Variants in PGCKA1 observed in about 807,000 individuals in gnomAD.
PGCKA1 encodes PDCD10 and GCKIII kinases associated 1, also known as PDCD10 and GCKIII kinases-associated protein 1.
At chr4:37,532,777 G>C in the PGCKA1 span, among the ~76,000 whole-genome samples, 1 of 151,684 alleles carries the variant, frequency 6.6e-6, no homozygotes, top group African/African-American at 2.4e-5. Context: ...TATGCTGACT[G>C]CTTTTAATAT....
chr4:37,466,319 A>C, the PGCKA1 span, among the ~76,000 whole-genome samples: 1 of 152,210 alleles, frequency 6.6e-6, no homozygotes, highest in Non-Finnish European at 1.5e-5. Flanking sequence ...ATTTCTGAAT[A>C]TATATTCCTG....
the PGCKA1 span, among the ~76,000 whole-genome samples, chr4:37,553,980 A>T: frequency 1.3e-5 from 2 of 152,214 alleles, no homozygotes; most frequent in East Asian, 1.9e-4. Context: ...ACAGTGATAT[A>T]GTTTGGCTGT....
the PGCKA1 span, among the ~76,000 whole-genome samples, chr4:37,563,594 T>G: frequency 6.6e-6 from 1 of 152,142 alleles, no homozygotes; most frequent in Non-Finnish European, 1.5e-5. Context: ...TTTCAACATG[T>G]GAATTTGGGG....
the PGCKA1 span, among the ~76,000 whole-genome samples, chr4:37,558,371 C>T: frequency 6.6e-6 from 1 of 152,140 alleles, no homozygotes; most frequent in African/African-American, 2.4e-5. Context: ...CCCCCCGTCC[C>T]CAGGCAATTT....
At chr4:37,492,554 TGAAGGATGAAGGTGAAAAG>T in the PGCKA1 span, among the ~76,000 whole-genome samples, 1 of 152,118 alleles carries the variant, frequency 6.6e-6, no homozygotes, top group Non-Finnish European at 1.5e-5. The surrounding 1 kb of genome is among the most constrained non-coding windows in gnomAD (Gnocchi z 4.7). Flanking sequence ...TGCCAGGAGG[TGAAGGATGAAGGTGAAAAG>T]GAGACTTGGG....
At chr4:37,518,279 A>G in the PGCKA1 span, among the ~76,000 whole-genome samples, 1 of 152,312 alleles carries the variant, frequency 6.6e-6, no homozygotes, top group South Asian at 2.1e-4. Flanking sequence ...TCTTTTGGGT[A>G]TGTACCCAGC....
At chr4:37,465,413 T>G in the PGCKA1 span, among the ~76,000 whole-genome samples, 2 of 152,066 alleles carry the variant, frequency 1.3e-5, no homozygotes, top group African/African-American at 4.8e-5. Flanking sequence ...GTGGATGGCT[T>G]CCCTGAGGAA....
the PGCKA1 span, among the ~76,000 whole-genome samples, chr4:37,579,308 G>A: frequency 6.6e-6 from 1 of 152,124 alleles, no homozygotes; most frequent in African/African-American, 2.4e-5. Flanking sequence ...ACATACCACA[G>A]TTACAATGTT....
At chr4:37,548,540 G>A in the PGCKA1 span, among the ~76,000 whole-genome samples, 2 of 151,204 alleles carry the variant, frequency 1.3e-5, no homozygotes, top group Non-Finnish European at 2.9e-5. Flanking sequence ...ATTATAAAAG[G>A]TTAAAAAAAA....
chr4:37,540,303 C>T, the PGCKA1 span, among the ~76,000 whole-genome samples: 2 of 152,128 alleles, frequency 1.3e-5, no homozygotes, highest in Non-Finnish European at 2.9e-5. Flanking sequence ...GGTCTTTAAG[C>T]ATTTGGAAAA....
At chr4:37,588,277 A>G in the PGCKA1 span, 1 of 152,604 alleles carries the variant, frequency 6.6e-6, no homozygotes, top group Non-Finnish European at 1.5e-5. Context: ...CGGTAGGAAA[A>G]GCAACACAGA....
the PGCKA1 span, among the ~76,000 whole-genome samples, chr4:37,532,979 G>A: frequency 1.3e-5 from 2 of 149,920 alleles, no homozygotes; most frequent in African/African-American, 2.5e-5. Context: ...GTGGGAGGGG[G>A]GCGAGGGATA....
chr4:37,471,086 G>T, the PGCKA1 span, among the ~76,000 whole-genome samples: 1 of 152,126 alleles, frequency 6.6e-6, no homozygotes, highest in East Asian at 1.9e-4. Flanking sequence ...GTTTCTAAAA[G>T]AAAAACATTA....
At chr4:37,520,809 G>C in the PGCKA1 span, among the ~76,000 whole-genome samples, 2 of 152,170 alleles carry the variant, frequency 1.3e-5, no homozygotes, top group East Asian at 3.9e-4. Context: ...AGTAGAGACA[G>C]GATTTCAGCA....
chr4:37,524,467 G>A, the PGCKA1 span, among the ~76,000 whole-genome samples: 70 of 152,358 alleles, frequency 4.6e-4, no homozygotes, highest in African/African-American at 1.6e-3. Context: ...CATCTCCACA[G>A]CATGGCAGCT....
the PGCKA1 span, chr4:37,590,303 C>T: frequency 3.8e-5 from 61 of 1,613,778 alleles, no homozygotes; most frequent in East Asian, 8.9e-5. Flanking sequence ...CACCAAGGGC[C>T]GCTCCCACAG....
At chr4:37,552,580 G>A in the PGCKA1 span, among the ~76,000 whole-genome samples, 22 of 152,180 alleles carry the variant, frequency 1.4e-4, no homozygotes, top group Admixed American at 2.0e-4. Flanking sequence ...AGAAACCAGG[G>A]GCAGTAGAAA....
chr4:37,541,722 G>T, the PGCKA1 span, among the ~76,000 whole-genome samples: 36,245 of 152,114 alleles, frequency 0.24, 5,170 homozygotes, highest in East Asian at 0.35. Context: ...TAGTGGAGCC[G>T]ATTCAAATTC....
the PGCKA1 span, among the ~76,000 whole-genome samples, chr4:37,469,752 T>C: frequency 3.3e-5 from 5 of 152,194 alleles, no homozygotes; most frequent in Admixed American, 1.3e-4. Context: ...GTATGACATA[T>C]AGTTACTGAA....
Sources: gnomAD v4.1 joint callset for allele counts (sites outside exome capture counted in the v4.1 genomes callset) on GRCh38, gnomAD v4.1.1 for gene constraint, Gnocchi (gnomAD v3.1) non-coding constraint, MANE v1.5 for transcripts, NCBI Gene and HGNC (gene_info 2026-07-23, HGNC 2026-07-21) for gene names.